SYCP2: variants seen among roughly 807,000 people sequenced by gnomAD.
SYCP2 encodes synaptonemal complex protein 2, also known as synaptonemal complex lateral element protein.
SYCP2 carries 55 observed loss-of-function variants against 211.3 expected under a neutral mutation model. That is an observed-to-expected ratio of 0.26 (90% confidence interval 0.21 to 0.33). SYCP2 has a LOEUF of 0.33. Among genes scored for constraint, SYCP2 ranks in the 10% least tolerant of loss-of-function variants. The pLI, the probability that SYCP2 is intolerant of heterozygous loss-of-function variation, is 1.00. For missense variants in SYCP2, 1,731 were observed against 1,752.0 expected (o/e 0.99, Z 0.21); for synonymous variants, 570 against 555.2 (o/e 1.03, Z -0.37).
At chr20:59,921,821 C>T (rs568251723) in intron 3 of SYCP2, among the ~76,000 whole-genome samples, 10 of 151,360 alleles carry the variant, frequency 6.6e-5, no homozygotes, top group East Asian at 5.8e-4. Flanking sequence ...AATCTCTTAA[C>T]GGGGTTGAAA....
In SYCP2 at chr20:59,864,363, C is replaced by T. The variant is rs542153875; in HGVS notation, c.4541G>A (p.Arg1514His). The change falls in exon 45 of 45, where the codon CGC (arginine) becomes CAC (histidine). Residue 1514 changes from arginine (R) to histidine (H), a missense_variant. By Grantham distance (29) the Arg-to-His change is conservative (BLOSUM62 0). Transcript: ENST00000357552. ...DMLEEELLNVRRELMSVFMSH... is the reference protein window; with the variant it reads ...DMLEEELLNVHRELMSVFMSH... Reference sequence around the variant, plus strand: ...CATGAATACTGACATCAGTTCTCTGCGTACATTAAGAAGCTCCTCTTCTAG... The same window carrying T: ...CATGAATACTGACATCAGTTCTCTGTGTACATTAAGAAGCTCCTCTTCTAG... 16 of 1,603,292 alleles carry T rather than the reference C, an allele frequency of 1.0e-5. No homozygotes were observed. In the East Asian group the frequency reaches 1.3e-4, roughly 13 times the overall value.
intron 12 of SYCP2, among the ~76,000 whole-genome samples, chr20:59,912,711 C>T (rs970339035): frequency 3.3e-5 from 5 of 152,134 alleles, no homozygotes; most frequent in South Asian, 2.1e-4. Flanking sequence ...ACCCAAATCT[C>T]GTCTTGAATG....
intron 26 of SYCP2, among the ~76,000 whole-genome samples, chr20:59,882,908 T>C (rs1041827302): frequency 1.3e-5 from 2 of 152,182 alleles, no homozygotes; most frequent in African/African-American, 4.8e-5. Context: ...AACTTGTACA[T>C]TACTCTGTGT....
chr20:59,889,137 G>A (rs964703962), intron 24 of SYCP2, among the ~76,000 whole-genome samples: 6 of 152,098 alleles, frequency 3.9e-5, no homozygotes, highest in East Asian at 3.9e-4. Flanking sequence ...GCTATTCTGT[G>A]CAATACTGTA....
rs777545633 is a variant in SYCP2, at chr20:59,892,709, ATAAAT to A, written c.1794-13_1794-9del. 15 of 1,597,960 alleles carry A rather than the reference ATAAAT, an allele frequency of 9.4e-6. No individual in the cohort carries two copies. In the African/African-American group the frequency reaches 1.5e-4, roughly 16 times the overall value. ...TCTAAAACACCAGGTAATCTAGAAA[ATAAAT>A]TAATTTGCTTAATGTTACAAAACAT... On this transcript the variant is annotated splice_polypyrimidine_tract_variant and intron_variant, in intron 22 of 44. Coordinates refer to ENST00000357552, the MANE Select transcript of SYCP2 (RefSeq NM_014258.4).
At chr20:59,922,748 G>A (rs983140912) in intron 2 of SYCP2, among the ~76,000 whole-genome samples, 1 of 151,374 alleles carries the variant, frequency 6.6e-6, no homozygotes, top group Non-Finnish European at 1.5e-5. Flanking sequence ...GAATAACCTG[G>A]ATCTCCCTTT....
intron 18 of SYCP2, among the ~76,000 whole-genome samples, chr20:59,898,561 C>T (rs1005370414): frequency 6.6e-5 from 10 of 151,828 alleles, no homozygotes; most frequent in South Asian, 2.1e-4. Flanking sequence ...GGACCTGTTG[C>T]GGGGTGGGGG....
intron 42 of SYCP2, 59 bp from the exon 43 acceptor site, chr20:59,865,710 A>G: frequency 9.0e-7 from 1 of 1,112,266 alleles, no homozygotes; most frequent in Non-Finnish European, 1.2e-6. Flanking sequence ...TTAGAGTGCT[A>G]TAATATAGTA....
chr20:59,921,721 A>T (rs766527727), intron 3 of SYCP2, among the ~76,000 whole-genome samples: 14 of 151,528 alleles, frequency 9.2e-5, no homozygotes, highest in Non-Finnish European at 1.9e-4. Flanking sequence ...CTTTATGTCA[A>T]CCTCAACAGA....
chr20:59,874,191 T>C (rs767044997), intron 34 of SYCP2, 130 bp from the exon 35 acceptor site: 2 of 520,954 alleles, frequency 3.8e-6, no homozygotes, highest in Admixed American at 3.8e-5. Flanking sequence ...TAAAAAAGGA[T>C]AGCTTTAAAA....
At chr20:59,930,033 T>TA (rs1345635713) in intron 2 of SYCP2, among the ~76,000 whole-genome samples, 2 of 152,124 alleles carry the variant, frequency 1.3e-5, no homozygotes, top group African/African-American at 4.8e-5. Context: ...CTATATAGTG[T>TA]AATCTCTTTC....
intron 24 of SYCP2, among the ~76,000 whole-genome samples, chr20:59,891,444 GCT>G (rs2059903295): frequency 6.6e-6 from 1 of 151,912 alleles, no homozygotes; most frequent in Non-Finnish European, 1.5e-5. Flanking sequence ...GAAAGTGGGA[GCT>G]CTAATAATGA....
chr20:59,881,885 G>T (rs1001231631), intron 28 of SYCP2, 60 bp downstream of exon 28: 3 of 1,342,546 alleles, frequency 2.2e-6, no homozygotes, highest in Non-Finnish European at 2.1e-6. Flanking sequence ...TGTAATAACT[G>T]CATGGTAAAT....
intron 13 of SYCP2, 145 bp from the exon 14 acceptor site, chr20:59,911,990 A>C (rs2060339868): frequency 4.3e-6 from 2 of 459,870 alleles, no homozygotes. Context: ...TATTTAGATA[A>C]ATTTAAAAAC....
chr20:59,915,486 T>C lies in SYCP2; in HGVS notation c.578A>G (p.Asn193Ser), dbSNP rs140542605. The C allele has an allele frequency of 3.3e-4, 534 of 1,606,074 alleles. 4 individuals carry two copies. The African/African-American group carries it at 6.4e-3, about 19-fold the overall frequency. ...MPQDARKILS[N>S]QEMLILMSSM... is the part of the protein sequence containing the mutation. Reference sequence around the variant, plus strand: ...TTACATGAGAATTAACATTTCTTGGTTAGAGAGTATTTTCCGGGCATCTTG... The same window carrying C: ...TTACATGAGAATTAACATTTCTTGGCTAGAGAGTATTTTCCGGGCATCTTG... Residue 193 changes from asparagine (N) to serine (S), a missense_variant, in exon 9 of 45, where the codon AAC becomes AGC. Asn to Ser is a conservative substitution (Grantham distance 46). This residue lies in a region of SYCP2 where 335 missense variants were observed against 378.8 expected (regional missense o/e 0.88). Coordinates refer to ENST00000357552, the MANE Select transcript of SYCP2 (RefSeq NM_014258.4).
chr20:59,875,499 C>T (rs1358229680), intron 33 of SYCP2, 30 bp from the exon 34 acceptor site: 1 of 1,530,822 alleles, frequency 6.5e-7, no homozygotes, highest in South Asian at 1.2e-5. Context: ...TCAAATTATA[C>T]TCAAGTACAA....
chr20:59,926,978 T>C (rs1264910752), intron 2 of SYCP2, among the ~76,000 whole-genome samples: 2 of 152,112 alleles, frequency 1.3e-5, no homozygotes, highest in South Asian at 4.1e-4. Flanking sequence ...CAGAGACTGG[T>C]CTACTGGAAA....
At chr20:59,868,595 A>G in intron 37 of SYCP2, 27 bp from the exon 38 acceptor site, 1 of 1,548,222 alleles carries the variant, frequency 6.5e-7, no homozygotes, top group East Asian at 2.3e-5. Context: ...GAAAGTTAAA[A>G]GCGCTGCAAT....
chr20:59,909,868 T>C (rs929611341), intron 14 of SYCP2, among the ~76,000 whole-genome samples: 2 of 152,194 alleles, frequency 1.3e-5, no homozygotes, highest in African/African-American at 4.8e-5. Flanking sequence ...AATGTGGTTG[T>C]GAGGCTACTT....
Sources: allele counts gnomAD v4.1 joint callset (sites outside exome capture counted in the v4.1 genomes callset), GRCh38; gene constraint gnomAD v4.1.1; regional missense constraint gnomAD v4.1.1; transcripts MANE v1.5; gene names NCBI Gene and HGNC (gene_info 2026-07-23, HGNC 2026-07-21).